HS6ST3: variants seen among roughly 807,000 people sequenced by gnomAD.
The protein encoded by HS6ST3 is heparan sulfate 6-O-sulfotransferase 3.
Under a neutral mutation model 36.7 loss-of-function variants are expected in HS6ST3, and 12 were observed. The observed-to-expected ratio is 0.33, with a 90% confidence interval of 0.21 to 0.53. HS6ST3 has a LOEUF of 0.53. HS6ST3 is among the 20% of genes least tolerant of loss of function. The pLI is 0.95. For synonymous variants in HS6ST3, 240 were observed against 257.5 expected (o/e 0.93, Z 0.65); for missense variants, 584 against 640.9 (o/e 0.91, Z 0.96).
At chr13:96,506,028 T>C (rs1032679919) in intron 1 of HS6ST3, among the ~76,000 whole-genome samples, 3 of 152,142 alleles carry the variant, frequency 2.0e-5, no homozygotes, top group African/African-American at 7.2e-5. Flanking sequence ...TTCTATGCCA[T>C]TGTATGACCT....
At chr13:96,799,994 A>ATGTGTG (rs1306410156) in intron 1 of HS6ST3, among the ~76,000 whole-genome samples, 2 of 114,470 alleles carry the variant, frequency 1.7e-5, no homozygotes, top group African/African-American at 9.0e-5. Flanking sequence ...ATATATATAT[A>ATGTGTG]TATGTATATA....
At chr13:96,317,382 A>ATAAAAT (rs1380383089) in intron 1 of HS6ST3, among the ~76,000 whole-genome samples, 4 of 137,982 alleles carry the variant, frequency 2.9e-5, no homozygotes, top group Admixed American at 7.5e-5. Context: ...TTATATATAT[A>ATAAAAT]TATATATATA....
At chr13:96,732,640 T>C (rs1566440618) in intron 1 of HS6ST3, among the ~76,000 whole-genome samples, 1 of 152,194 alleles carries the variant, frequency 6.6e-6, no homozygotes, top group Non-Finnish European at 1.5e-5. Context: ...GGGTATTTTT[T>C]GGTTTCATAC....
intron 1 of HS6ST3, among the ~76,000 whole-genome samples, chr13:96,470,665 C>T (rs2055836212): frequency 1.3e-5 from 2 of 152,078 alleles, no homozygotes; most frequent in Admixed American, 1.3e-4. Flanking sequence ...TTCTGTTTTC[C>T]CACTCAGCTC....
chr13:96,403,403 T>G (rs1193773028), intron 1 of HS6ST3, among the ~76,000 whole-genome samples: 1 of 152,174 alleles, frequency 6.6e-6, no homozygotes, highest in Non-Finnish European at 1.5e-5. Context: ...GTACCTTGGT[T>G]TCAGAGTTTT....
chr13:96,696,843 A>G (rs1199419840), intron 1 of HS6ST3, among the ~76,000 whole-genome samples: 1 of 152,092 alleles, frequency 6.6e-6, no homozygotes, highest in Non-Finnish European at 1.5e-5. Context: ...CTGACAGGGA[A>G]CTCAAGACCT....
chr13:96,131,409 C>CT (rs1232424040), intron 1 of HS6ST3, among the ~76,000 whole-genome samples: 2 of 151,530 alleles, frequency 1.3e-5, no homozygotes, highest in Admixed American at 6.6e-5. Flanking sequence ...TTGAGGTTTA[C>CT]TTTTTTTAAA....
At position 96,488,648 on chromosome 13, in the gene HS6ST3, T is replaced by G. The variant is rs917850080; in HGVS notation, c.708-343842T>G. 2.8e-4 allele frequency among the ~76,000 whole-genome samples: 43 copies of G among 152,080 alleles called. 1 individual carries two copies. The highest frequency in any genetic ancestry group is 1.6e-3 in the Admixed American group (24 of 15,250). ...ATGAAGATTAGGAAAATGCACTTGG[T>G]GGGTAGAACTGGGCCATGAAATCTT... On this transcript the variant is annotated intron_variant, in intron 1 of 1. Coordinates refer to ENST00000376705, the MANE Select transcript of HS6ST3 (RefSeq NM_153456.4).
chr13:96,248,755 A>C (rs1224046357), intron 1 of HS6ST3, among the ~76,000 whole-genome samples: 1 of 152,182 alleles, frequency 6.6e-6, no homozygotes, highest in African/African-American at 2.4e-5. Flanking sequence ...ATATATGATA[A>C]GCTCCTACCA....
intron 1 of HS6ST3, among the ~76,000 whole-genome samples, chr13:96,689,848 T>C (rs1396597824): frequency 2.6e-5 from 4 of 152,004 alleles, no homozygotes; most frequent in Non-Finnish European, 5.9e-5. Context: ...TTTATTATAC[T>C]ATGCAGTATC....
intron 1 of HS6ST3, among the ~76,000 whole-genome samples, chr13:96,225,541 A>T (rs2054476260): frequency 6.6e-6 from 1 of 152,138 alleles, no homozygotes; most frequent in African/African-American, 2.4e-5. Context: ...TATTTTATTG[A>T]TGGAGGAGGT....
At chr13:96,537,636 A>G (rs1337486732) in intron 1 of HS6ST3, among the ~76,000 whole-genome samples, 1 of 152,186 alleles carries the variant, frequency 6.6e-6, no homozygotes, top group Non-Finnish European at 1.5e-5. Flanking sequence ...TACTTATATC[A>G]TTGACTTACT....
intron 1 of HS6ST3, among the ~76,000 whole-genome samples, chr13:96,489,059 A>G (rs2055931428): frequency 6.6e-6 from 1 of 152,072 alleles, no homozygotes; most frequent in Non-Finnish European, 1.5e-5. Context: ...TTGTGAGAAA[A>G]AATAAATAAC....
chr13:96,699,885 A>C (rs1023333508), intron 1 of HS6ST3, among the ~76,000 whole-genome samples: 10 of 152,238 alleles, frequency 6.6e-5, no homozygotes, highest in African/African-American at 1.9e-4. Context: ...TGCAGAAGCA[A>C]ACACAAAATA....
At chr13:96,217,241 C>G (rs1257797949) in intron 1 of HS6ST3, among the ~76,000 whole-genome samples, 3 of 152,142 alleles carry the variant, frequency 2.0e-5, no homozygotes, top group Non-Finnish European at 4.4e-5. Context: ...ATTATGCTAG[C>G]TATTTCTCAT....
intron 1 of HS6ST3, among the ~76,000 whole-genome samples, chr13:96,513,776 T>C (rs760878199): frequency 5.9e-5 from 9 of 151,890 alleles, no homozygotes; most frequent in Non-Finnish European, 1.2e-4. Flanking sequence ...CAAACTAAGG[T>C]AAGAGGATTT....
chr13:96,195,443 C>T (rs1459131235), intron 1 of HS6ST3, among the ~76,000 whole-genome samples: 9 of 152,156 alleles, frequency 5.9e-5, no homozygotes, highest in Admixed American at 4.6e-4. Flanking sequence ...TAAGTGCGGT[C>T]CCAGTGGCAT....
intron 1 of HS6ST3, among the ~76,000 whole-genome samples, chr13:96,108,904 A>G (rs1022232414): frequency 4.6e-5 from 7 of 152,148 alleles, no homozygotes; most frequent in Non-Finnish European, 1.0e-4. Flanking sequence ...GACAGTAAGG[A>G]GGTCACAGGG....
chr13:96,312,398 C>G (rs1019436117), intron 1 of HS6ST3, among the ~76,000 whole-genome samples: 1 of 152,006 alleles, frequency 6.6e-6, no homozygotes, highest in Non-Finnish European at 1.5e-5. Context: ...TGTGATATGT[C>G]TATATTCAAC....
Sources: allele counts gnomAD v4.1 joint callset (sites outside exome capture counted in the v4.1 genomes callset), GRCh38; gene constraint gnomAD v4.1.1; transcripts MANE v1.5; gene names NCBI Gene and HGNC (gene_info 2026-07-23, HGNC 2026-07-21).